Variants in AUNIP observed in about 807,000 individuals in gnomAD.
AUNIP encodes the protein aurora kinase A- and ninein-interacting protein.
In AUNIP, 16 loss-of-function variants were observed where a neutral mutation model predicts 12.2. The ratio of observed to expected loss-of-function variants is 1.31; its 90% CI spans 0.88 to 1.99. The LOEUF is 1.99. Among genes scored for constraint, AUNIP ranks in the 30% most tolerant of loss-of-function variants. The pLI is 0.00. For synonymous variants in AUNIP, 142 were observed against 154.8 expected, an observed-to-expected ratio of 0.92 and a Z score of 0.61; for missense variants, 411 against 419.1, an observed-to-expected ratio of 0.98 and a Z score of 0.17.
chr1:25,852,454 T>G (rs1181747474), intron 1 of AUNIP, among the ~76,000 whole-genome samples: 2 of 146,248 alleles, frequency 1.4e-5, no homozygotes, highest in African/African-American at 5.2e-5. Flanking sequence ...TAAGGTTTTT[T>G]TTTTTGTTGT....
At position 25,835,706 on chromosome 1, in the gene AUNIP, T is replaced by C. The variant is rs2048296979; in HGVS notation, c.361A>G (p.Thr121Ala). Residue 121 changes from threonine to alanine, a missense_variant, in exon 3 of 3, where the codon ACT (threonine) becomes GCT (alanine). By Grantham distance (58) the Thr-to-Ala change is moderately conservative. Coordinates refer to ENST00000374298, the MANE Select transcript of AUNIP (RefSeq NM_024037.3). Reference sequence around the variant, plus strand: ...TCCTGGATGTCTGCAGTGGTTGAAGTGGCTAAAGGGGATGCCATGCAATCG... The same window carrying C: ...TCCTGGATGTCTGCAGTGGTTGAAGCGGCTAAAGGGGATGCCATGCAATCG... ...AHDCMASPLA[T>A]STTADIQEAG... is the part of the protein sequence containing the mutation. 1.2e-6 allele frequency: 2 copies of C among 1,614,194 alleles called. No individual in the cohort carries two copies. The highest frequency in any genetic ancestry group is 1.3e-5 in the African/African-American group (1 of 75,046).
rs2048284592 is a variant in AUNIP at position 25,834,637 on chromosome 1, C to T, written c.*356G>A. 1 of 977,266 alleles carries T rather than the reference C, an allele frequency of 1.0e-6. No homozygotes were observed. Among genetic ancestry groups the T allele is most frequent in the African/African-American group, 1.8e-5 (1 of 55,174 alleles). 60.5% of individuals were successfully genotyped at this position (977,266 alleles called of 1,614,324 possible). On this transcript the variant is annotated 3_prime_UTR_variant, in exon 3 of 3. Coordinates refer to ENST00000374298, the MANE Select transcript of AUNIP (RefSeq NM_024037.3). The stretch of plus-strand genomic sequence containing the variant: ...TCTCAAAAAAAAAAAAAAAAAAACA[C>T]ATCCATAAGCAAGGTCCCAGTCAGA...
intron 1 of AUNIP, among the ~76,000 whole-genome samples, chr1:25,853,355 G>C (rs1237840326): frequency 1.3e-5 from 2 of 152,140 alleles, no homozygotes; most frequent in African/African-American, 2.4e-5. Context: ...CCAGCACTTT[G>C]GGTGGCGGAG....
intron 2 of AUNIP, among the ~76,000 whole-genome samples, chr1:25,836,558 A>T (rs2048304111): frequency 6.6e-6 from 1 of 152,238 alleles, no homozygotes; most frequent in Non-Finnish European, 1.5e-5. Flanking sequence ...AAATTGTTCC[A>T]AGATCTAATT....
In AUNIP at chr1:25,852,533, G is replaced by A. The variant is rs368200632; in HGVS notation, c.78+6747C>T. ...GAGTTCACTGCAACCTCCGCCTCCTGGGTTCAAGCAGTTCTCCTGCCTCAG... is the reference window on the plus strand; with the variant it reads ...GAGTTCACTGCAACCTCCGCCTCCTAGGTTCAAGCAGTTCTCCTGCCTCAG... On this transcript the variant is annotated intron_variant, in intron 1 of 2. Transcript: ENST00000374298. Among the ~76,000 whole-genome samples the A allele has an allele frequency of 2.5e-4, 37 of 148,154 alleles. No homozygotes were observed. In the South Asian group the frequency reaches 7.6e-3, roughly 30 times the overall value.
chr1:25,859,391 G>A lies in AUNIP; in HGVS notation c.-34C>T, dbSNP rs199704194. 983 of 1,480,086 alleles carry A rather than the reference G, an allele frequency of 6.6e-4. 2 individuals carry two copies. In the African/African-American group the frequency reaches 0.012, roughly 18 times the overall value. The allele number at this position is 1,480,086 out of a possible 1,614,324, so 91.7% of individuals were successfully genotyped here. A position where few individuals can be genotyped will look rare whatever the true frequency, so the allele number is the denominator to read the frequency against. ...AGGAGACGAAGCCGGCAGGACGCCG[G>A]CGCAGGCTCCCGGCGCCTCAGGGAA... On this transcript the variant is annotated 5_prime_UTR_variant, in exon 1 of 3. Coordinates refer to ENST00000374298, the MANE Select transcript of AUNIP (RefSeq NM_024037.3).
chr1:25,857,654 G>C (rs1333313731), intron 1 of AUNIP, among the ~76,000 whole-genome samples: 1 of 151,738 alleles, frequency 6.6e-6, no homozygotes, highest in Non-Finnish European at 1.5e-5. Flanking sequence ...CTTGAGGTCA[G>C]GAGTTCAAGA....
downstream of AUNIP, chr1:25,832,182 A>ATAT (rs779678879): frequency 1.3e-6 from 2 of 1,541,826 alleles, no homozygotes; most frequent in Non-Finnish European, 1.7e-6. Flanking sequence ...GCTGGATTAT[A>ATAT]TATTTCCCAG....
At chr1:25,852,045 CT>C (rs113030725) in intron 1 of AUNIP, among the ~76,000 whole-genome samples, 4,164 of 152,178 alleles carry the variant, frequency 0.027, 181 homozygotes, top group African/African-American at 0.091. Context: ...CTCAACCTCC[CT>C]GGGTTCAGTG....
chr1:25,840,213 G>A (rs777701889), intron 1 of AUNIP, among the ~76,000 whole-genome samples: 9 of 151,974 alleles, frequency 5.9e-5, no homozygotes, highest in Non-Finnish European at 8.8e-5. Context: ...ATAATAAGGT[G>A]AGAAAATAGA....
chr1:25,835,244 C>A lies in AUNIP; in HGVS notation c.823G>T (p.Asp275Tyr). ...SRSPVSVFSW[D>Y]NEKNDKDSWS... ...GAGTCCTTGTCATTCTTTTCATTGT[C>A]CCAGGAAAACACAGAAACTGGACTA... The change falls in exon 3 of 3, where the codon GAC (aspartate) becomes TAC (tyrosine). Residue 275 changes from aspartate (D) to tyrosine (Y), a missense_variant. Coordinates refer to ENST00000374298, the MANE Select transcript of AUNIP (RefSeq NM_024037.3). 2 of 1,614,162 alleles carry A rather than the reference C, an allele frequency of 1.2e-6. No homozygotes were observed. The highest frequency in any genetic ancestry group is 1.7e-6 in the Non-Finnish European group (2 of 1,180,016).
intron 1 of AUNIP, among the ~76,000 whole-genome samples, chr1:25,856,062 G>C (rs1361178750): frequency 6.6e-6 from 1 of 152,086 alleles, no homozygotes; most frequent in African/African-American, 2.4e-5. Flanking sequence ...GCAGGATTTG[G>C]GGGTATAAGA....
rs190418239 is a variant in AUNIP at position 25,847,274 on chromosome 1, T to G, written c.79-9720A>C. 6.6e-4 allele frequency among the ~76,000 whole-genome samples: 100 copies of G among 152,290 alleles called. No homozygotes were observed. The highest frequency in any genetic ancestry group is 8.7e-4 in the Non-Finnish European group (59 of 68,026). The stretch of plus-strand genomic sequence containing the variant: ...CAGTTGTGTTTTTTTTGTTTTGTTT[T>G]TTTTTGAGACGGAGTCTCACTCTGT... On this transcript the variant is annotated intron_variant, in intron 1 of 2. Coordinates refer to ENST00000374298, the MANE Select transcript of AUNIP (RefSeq NM_024037.3). This position sits in a 1 kb window ranked among gnomAD's most constrained non-coding sequence, Gnocchi z 4.2.
intron 1 of AUNIP, among the ~76,000 whole-genome samples, chr1:25,853,566 C>T (rs1165825585): frequency 6.6e-6 from 1 of 152,140 alleles, no homozygotes; most frequent in Admixed American, 6.5e-5. Flanking sequence ...CACTGCACCC[C>T]AGCCTGTGTG....
At chr1:25,842,427 A>AG (rs1453282097) in intron 1 of AUNIP, among the ~76,000 whole-genome samples, 6 of 152,250 alleles carry the variant, frequency 3.9e-5, no homozygotes, top group African/African-American at 1.2e-4. Flanking sequence ...ATGAGGTTGA[A>AG]GGAAAAAAAC....
intron 1 of AUNIP, among the ~76,000 whole-genome samples, chr1:25,855,789 C>A (rs2048456149): frequency 6.6e-6 from 1 of 152,102 alleles, no homozygotes; most frequent in African/African-American, 2.4e-5. Context: ...GGAAGAGGCA[C>A]CTTGTGAAAG....
intron 2 of AUNIP, among the ~76,000 whole-genome samples, chr1:25,836,162 G>A (rs189626687): frequency 6.6e-6 from 1 of 152,316 alleles, no homozygotes; most frequent in East Asian, 1.9e-4. Flanking sequence ...TTGTAGGTTT[G>A]TTTAACATAC....
chr1:25,859,388 C>G lies in AUNIP; in HGVS notation c.-31G>C, dbSNP rs1166194411. On this transcript the variant is annotated 5_prime_UTR_variant, in exon 1 of 3. Coordinates refer to ENST00000374298, the MANE Select transcript of AUNIP (RefSeq NM_024037.3). ...CTGAGGAGACGAAGCCGGCAGGACG[C>G]CGGCGCAGGCTCCCGGCGCCTCAGG... 16 of 1,482,710 alleles carry G rather than the reference C, an allele frequency of 1.1e-5. No homozygotes were observed. Among genetic ancestry groups the G allele is most frequent in the Non-Finnish European group, 1.4e-5 (16 of 1,126,006 alleles). The allele number at this position is 1,482,710 out of a possible 1,614,324, so 91.8% of individuals were successfully genotyped here.
At chr1:25,852,451 TTTTTTTTTGTTG>T (rs1394060939) in intron 1 of AUNIP, among the ~76,000 whole-genome samples, 3 of 144,740 alleles carry the variant, frequency 2.1e-5, no homozygotes, top group Admixed American at 1.4e-4. Flanking sequence ...ATTTAAGGTT[TTTTTTTTTGTTG>T]TTTTTTTTTT....
Sources: gnomAD v4.1 joint callset for allele counts (sites outside exome capture counted in the v4.1 genomes callset) on GRCh38, gnomAD v4.1.1 for gene constraint, Gnocchi (gnomAD v3.1) non-coding constraint, MANE v1.5 for transcripts, NCBI Gene and HGNC (gene_info 2026-07-23, HGNC 2026-07-21) for gene names.